The following CACNG2 variants were observed in gnomAD, a reference collection of about 807,000 sequenced individuals.
CACNG2 encodes calcium voltage-gated channel auxiliary subunit gamma 2, also known as voltage-dependent calcium channel gamma-2 subunit.
CACNG2 carries 3 observed loss-of-function variants against 25.9 expected under a neutral mutation model. The ratio of observed to expected loss-of-function variants is 0.12; its 90% confidence interval spans 0.05 to 0.30. The LOEUF (loss-of-function observed/expected upper bound fraction) is 0.30. CACNG2 is among the 10% of genes least tolerant of loss of function. The pLI, the probability that CACNG2 is intolerant of heterozygous loss-of-function variation, is 1.00. For synonymous variants in CACNG2, 167 were observed against 173.3 expected, an observed-to-expected ratio of 0.96 and a Z score of 0.29; for missense variants, 341 against 432.5, an observed-to-expected ratio of 0.79 and a Z score of 1.88.
intron 2 of CACNG2, among the ~76,000 whole-genome samples, chr22:36,583,867 G>A (rs987489254): frequency 6.6e-6 from 1 of 152,176 alleles, no homozygotes; most frequent in African/African-American, 2.4e-5. Context: ...ACATGACTGG[G>A]TTCCTCTGCT....
At chr22:36,680,433 CA>C (rs1296619275) in intron 1 of CACNG2, among the ~76,000 whole-genome samples, 9 of 151,070 alleles carry the variant, frequency 6.0e-5, no homozygotes, top group African/African-American at 2.2e-4. Context: ...TCACCACCAC[CA>C]CCATCACCAC....
At chr22:36,598,768 C>T (rs1472601774) in intron 1 of CACNG2, among the ~76,000 whole-genome samples, 3 of 152,058 alleles carry the variant, frequency 2.0e-5, no homozygotes, top group Admixed American at 6.6e-5. Context: ...CACTTGAGAT[C>T]AGGAGTTCTA....
intron 1 of CACNG2, among the ~76,000 whole-genome samples, chr22:36,681,225 A>G (rs1937118658): frequency 6.6e-6 from 1 of 152,014 alleles, no homozygotes; most frequent in Non-Finnish European, 1.5e-5. Flanking sequence ...CTGTTGGTTT[A>G]GTGCTTAGGG....
chr22:36,600,450 CA>C (rs56118733), intron 1 of CACNG2, among the ~76,000 whole-genome samples: 98,391 of 147,338 alleles, frequency 0.67, 33,964 homozygotes, highest in East Asian at 0.83. Context: ...ACCAAAAAAA[CA>C]AAAAAAAAAA....
intron 2 of CACNG2, among the ~76,000 whole-genome samples, chr22:36,582,320 G>T (rs898851766): frequency 4.0e-5 from 6 of 151,810 alleles, no homozygotes; most frequent in Non-Finnish European, 8.8e-5. Context: ...CTCTCTTCTT[G>T]TCTCACGGGG....
intron 1 of CACNG2, among the ~76,000 whole-genome samples, chr22:36,641,167 A>G (rs376364478): frequency 4.6e-5 from 7 of 151,732 alleles, no homozygotes; most frequent in East Asian, 1.9e-4. Flanking sequence ...GCCCTGCTTT[A>G]TTTTTCTGCA....
chr22:36,652,829 T>G (rs1268412511), intron 1 of CACNG2, among the ~76,000 whole-genome samples: 1 of 152,126 alleles, frequency 6.6e-6, no homozygotes, highest in Non-Finnish European at 1.5e-5. Flanking sequence ...GGGTCTCCAC[T>G]GCTCTAGTTA....
intron 1 of CACNG2, among the ~76,000 whole-genome samples, chr22:36,589,121 G>A (rs5995315): frequency 0.059 from 8,946 of 151,660 alleles, 875 homozygotes; most frequent in African/African-American, 0.2. Flanking sequence ...CTCCTGAGTA[G>A]CTGGGATTAC....
chr22:36,657,294 AG>A (rs1486752364), intron 1 of CACNG2, among the ~76,000 whole-genome samples: 1 of 152,242 alleles, frequency 6.6e-6, no homozygotes, highest in Non-Finnish European at 1.5e-5. Flanking sequence ...CAGGCATCCA[AG>A]GAGTGAGACA....
intron 1 of CACNG2, among the ~76,000 whole-genome samples, chr22:36,597,550 C>T (rs1365468807): frequency 1.3e-5 from 2 of 152,158 alleles, no homozygotes; most frequent in Admixed American, 6.5e-5. Flanking sequence ...AGTGAAGGGC[C>T]CCAGTGCAGT....
intron 2 of CACNG2, among the ~76,000 whole-genome samples, chr22:36,580,595 G>A (rs1007438208): frequency 6.6e-6 from 1 of 152,122 alleles, no homozygotes; most frequent in Non-Finnish European, 1.5e-5. Context: ...GTCAGAGACA[G>A]CAGCCAGCCC....
intron 1 of CACNG2, among the ~76,000 whole-genome samples, chr22:36,681,552 G>A (rs1383850848): frequency 2.0e-5 from 3 of 152,100 alleles, no homozygotes; most frequent in Non-Finnish European, 4.4e-5. Context: ...ATTTTTTGGG[G>A]GGCAGCCACT....
intron 2 of CACNG2, among the ~76,000 whole-genome samples, chr22:36,568,738 T>C (rs894845416): frequency 1.3e-5 from 2 of 152,142 alleles, no homozygotes; most frequent in Non-Finnish European, 1.5e-5. Flanking sequence ...TGAAAACTCT[T>C]CTTCTGTCCT....
rs574925800 is a variant in CACNG2 at position 36,667,791 on chromosome 22, G to A, written c.211+34575C>T. 6.6e-5 allele frequency among the ~76,000 whole-genome samples: 10 copies of A among 152,302 alleles called. No homozygotes were observed. In the South Asian group the frequency reaches 1.5e-3, roughly 22 times the overall value. On this transcript the variant is annotated intron_variant, in intron 1 of 3. Coordinates refer to ENST00000300105, the MANE Select transcript of CACNG2 (RefSeq NM_006078.5). The stretch of plus-strand genomic sequence containing the variant: ...TCGAGAAATTAGGTCACTGGGTGTC[G>A]TTAAGTGTGCCTGACAGAGCTATGC...
intron 1 of CACNG2, among the ~76,000 whole-genome samples, chr22:36,611,925 A>C (rs186591673): frequency 6.6e-6 from 1 of 152,280 alleles, no homozygotes; most frequent in East Asian, 1.9e-4. Flanking sequence ...GCTGCTGGCT[A>C]TGAGTTGTGT....
At chr22:36,657,736 G>A (rs868240730) in intron 1 of CACNG2, among the ~76,000 whole-genome samples, 8 of 151,934 alleles carry the variant, frequency 5.3e-5, no homozygotes, top group South Asian at 4.2e-4. Context: ...GGACAGTGGC[G>A]TAATGAGCAA....
In CACNG2 at chr22:36,622,082, C is replaced by T. The variant is rs552485825; in HGVS notation, c.212-34534G>A. 2.6e-5 allele frequency among the ~76,000 whole-genome samples: 4 copies of T among 152,356 alleles called. No homozygotes were observed. The East Asian group carries it at 7.7e-4, about 29-fold the overall frequency. On this transcript the variant is annotated intron_variant, in intron 1 of 3. Coordinates refer to ENST00000300105, the MANE Select transcript of CACNG2 (RefSeq NM_006078.5). ...ACAAAGAAGGCACGGCTCTCATTCC[C>T]TGTTTACAGATGAGGAAACTGAGGC... is the stretch of plus-strand genomic sequence containing the variant.
chr22:36,664,337 G>T (rs41307229), intron 1 of CACNG2, among the ~76,000 whole-genome samples: 19 of 152,172 alleles, frequency 1.2e-4, no homozygotes, highest in Non-Finnish European at 2.6e-4. Flanking sequence ...CTTATTGATC[G>T]CCTACTCGAT....
chr22:36,699,197 G>A (rs1341333875), intron 1 of CACNG2, among the ~76,000 whole-genome samples: 4 of 149,220 alleles, frequency 2.7e-5, no homozygotes, highest in Admixed American at 6.7e-5. Flanking sequence ...CACGCTCCTC[G>A]AATCCCCCTA....
Sources: allele counts gnomAD v4.1 joint callset (sites outside exome capture counted in the v4.1 genomes callset), GRCh38; gene constraint gnomAD v4.1.1; transcripts MANE v1.5; gene names NCBI Gene and HGNC (gene_info 2026-07-23, HGNC 2026-07-21).